The following NEDD4 variants were observed in gnomAD, a reference collection of about 807,000 sequenced individuals.
NEDD4 encodes the protein E3 ubiquitin-protein ligase NEDD4.
Under a neutral mutation model 144.9 loss-of-function variants are expected in NEDD4, and 99 were observed. That is an observed-to-expected ratio of 0.68 (90% confidence interval 0.58 to 0.81). NEDD4 has a LOEUF of 0.81. NEDD4 is among the 30% of genes least tolerant of loss of function. The pLI is 0.00. For missense variants in NEDD4, 985 were observed against 1,065.9 expected, an observed-to-expected ratio of 0.92 and a Z score of 1.06; for synonymous variants, 318 against 350.6, an observed-to-expected ratio of 0.91 and a Z score of 1.04.
intron 11 of NEDD4, 21 bp downstream of exon 11, chr15:55,860,386 C>T (rs951349125): frequency 1.2e-6 from 2 of 1,611,506 alleles, no homozygotes; most frequent in Non-Finnish European, 1.7e-6. Flanking sequence ...GAAGCCGTAA[C>T]AAAATCTAAG....
At chr15:55,876,026 A>T (rs1160348051) in intron 5 of NEDD4, among the ~76,000 whole-genome samples, 1 of 152,222 alleles carries the variant, frequency 6.6e-6, no homozygotes, top group Non-Finnish European at 1.5e-5. Flanking sequence ...AATACATTAC[A>T]CACAGGAGAA....
rs541009048 is a variant in NEDD4 at position 55,834,274 on chromosome 15, G to A, written c.2275C>T (p.Leu759=). The change falls in exon 25 of 29, where the codon CTA becomes TTA. Residue 759 remains leucine (L), a synonymous_variant. Transcript: ENST00000435532. ...ATTTTGATGAGATCCTGTGGTATTA[G>A]TTCAAAGAATCCCTAGAAAAAAGAT... ...MAAFKEGFFE[L]IPQDLIKIFD... is the part of the protein sequence containing the mutation. 1 of 1,604,454 alleles carries A rather than the reference G, an allele frequency of 6.2e-7. No homozygotes were observed. Among genetic ancestry groups the A allele is most frequent in the South Asian group, 1.1e-5 (1 of 90,826 alleles).
chr15:55,839,987 AAAAAAAAAAAAAATATAT>A (rs1228303024), intron 21 of NEDD4, among the ~76,000 whole-genome samples: 1 of 51,362 alleles, frequency 1.9e-5, no homozygotes, highest in African/African-American at 7.9e-5. Context: ...AAAAAAAAAA[AAAAAAAAAAAAAATATAT>A]ATATATATAT....
intron 5 of NEDD4, among the ~76,000 whole-genome samples, chr15:55,897,214 C>T (rs2035766644): frequency 6.6e-6 from 1 of 152,246 alleles, no homozygotes; most frequent in African/African-American, 2.4e-5. Flanking sequence ...ACCTCGTGAT[C>T]CGCCCGCCTC....
At chr15:55,925,776 G>T (rs1439861491) in intron 4 of NEDD4, among the ~76,000 whole-genome samples, 1 of 152,006 alleles carries the variant, frequency 6.6e-6, no homozygotes. Context: ...TTTACCTACA[G>T]CCACGTTCCC....
chr15:55,965,104 A>G (rs1448771312), intron 2 of NEDD4, among the ~76,000 whole-genome samples: 1 of 152,188 alleles, frequency 6.6e-6, no homozygotes, highest in Non-Finnish European at 1.5e-5. Context: ...TTTACAAAAT[A>G]CACAGTCTTA....
chr15:55,848,459 A>G (rs750521430), intron 16 of NEDD4, 29 bp from the exon 17 acceptor site: 25 of 1,612,984 alleles, frequency 1.5e-5, no homozygotes, highest in South Asian at 1.1e-5. Context: ...AAAAAGATGT[A>G]CTTTCTCACA....
intron 18 of NEDD4, among the ~76,000 whole-genome samples, chr15:55,844,342 A>T (rs1194423771): frequency 1.3e-5 from 2 of 152,168 alleles, no homozygotes; most frequent in East Asian, 3.9e-4. Flanking sequence ...AGCTGACGGG[A>T]CAGGGTGTAA....
chr15:55,970,548 A>G (rs1159489548), intron 1 of NEDD4, among the ~76,000 whole-genome samples: 1 of 152,208 alleles, frequency 6.6e-6, no homozygotes. Context: ...TGCCAACTCC[A>G]GGCAGCTCAG....
intron 9 of NEDD4, among the ~76,000 whole-genome samples, chr15:55,862,096 C>T (rs1427905236): frequency 6.6e-6 from 1 of 152,104 alleles, no homozygotes; most frequent in African/African-American, 2.4e-5. Context: ...TCTATGAAGA[C>T]TGAAGCTTCT....
chr15:55,834,196 TTC>T (rs778670174), intron 25 of NEDD4, 29 bp downstream of exon 25: 2 of 1,609,114 alleles, frequency 1.2e-6, no homozygotes, highest in South Asian at 2.2e-5. Flanking sequence ...GGTTCACAAT[TTC>T]TGTTTCAACA....
chr15:55,901,629 G>A (rs1342133235), intron 5 of NEDD4, among the ~76,000 whole-genome samples: 1 of 152,006 alleles, frequency 6.6e-6, no homozygotes, highest in African/African-American at 2.4e-5. Flanking sequence ...CCCCAGATTC[G>A]TGGTCTGTGT....
At chr15:55,976,488 T>G (rs566153531) in intron 1 of NEDD4, among the ~76,000 whole-genome samples, 1 of 152,286 alleles carries the variant, frequency 6.6e-6, no homozygotes, top group South Asian at 2.1e-4. Flanking sequence ...AAATCACTGA[T>G]CATCAGGGAA....
At position 55,827,171 on chromosome 15, in the gene NEDD4, G is replaced by A. The variant is rs1485690691; in HGVS notation, c.*2726C>T. 1 of 152,186 alleles carries A rather than the reference G, an allele frequency of 6.6e-6. No homozygotes were observed. Among genetic ancestry groups the A allele is most frequent in the African/African-American group, 2.4e-5 (1 of 41,452 alleles). 9.4% of individuals were successfully genotyped at this position (152,186 alleles called of 1,614,324 possible). A position where few individuals can be genotyped will look rare whatever the true frequency, so the allele number is the denominator to read the frequency against. On this transcript the variant is annotated 3_prime_UTR_variant, in exon 29 of 29. Transcript: ENST00000435532. The stretch of plus-strand genomic sequence containing the variant: ...CAAACACCATTTAAATTTGAGTTCT[G>A]ATGAAATGCATTTGTAATACAATTT...
chr15:55,837,941 T>C, intron 23 of NEDD4, 92 bp from the exon 24 acceptor site: 1 of 1,102,058 alleles, frequency 9.1e-7, no homozygotes, highest in Non-Finnish European at 1.3e-6. Flanking sequence ...AAAGGCTAGC[T>C]GAGACCAAGG....
At chr15:55,870,967 C>A (rs1242822418) in intron 7 of NEDD4, among the ~76,000 whole-genome samples, 8 of 152,136 alleles carry the variant, frequency 5.3e-5, no homozygotes. Context: ...AGCAATTACC[C>A]TTTGTCTTTC....
At chr15:55,894,176 T>C (rs913460265) in intron 5 of NEDD4, among the ~76,000 whole-genome samples, 1 of 152,162 alleles carries the variant, frequency 6.6e-6, no homozygotes, top group Middle Eastern at 3.2e-3. Flanking sequence ...AGACATAAAC[T>C]GTATAGTCAG....
chr15:55,941,784 G>A (rs892250798), intron 4 of NEDD4, among the ~76,000 whole-genome samples: 1 of 152,028 alleles, frequency 6.6e-6, no homozygotes, highest in Non-Finnish European at 1.5e-5. Context: ...TATTGGTCAG[G>A]CTTGTCTCAA....
intron 4 of NEDD4, among the ~76,000 whole-genome samples, chr15:55,940,670 G>A (rs2036986094): frequency 6.6e-6 from 1 of 151,942 alleles, no homozygotes; most frequent in Non-Finnish European, 1.5e-5. Context: ...TGGGTCTATA[G>A]GTGTGTGCCA....
Sources: allele counts gnomAD v4.1 joint callset (sites outside exome capture counted in the v4.1 genomes callset), GRCh38; gene constraint gnomAD v4.1.1; transcripts MANE v1.5; gene names NCBI Gene and HGNC (gene_info 2026-07-23, HGNC 2026-07-21).